Variants in PLCB1 observed in about 807,000 individuals in gnomAD.
The protein encoded by PLCB1 is phospholipase C beta 1.
Under a neutral mutation model 161.8 loss-of-function variants are expected in PLCB1, and 46 were observed. The ratio of observed to expected loss-of-function variants is 0.28; its 90% CI spans 0.22 to 0.36. The LOEUF (loss-of-function observed/expected upper bound fraction) is 0.36, where lower values mean the gene tolerates loss of function less well. Ranked by LOEUF, PLCB1 falls within the 10% of genes least tolerant of loss-of-function variation. The probability of loss-of-function intolerance (pLI) is 1.00; values close to 1 mark genes in which losing one functional copy is unlikely to be tolerated. For synonymous variants in PLCB1, 517 were observed against 503.7 expected, an observed-to-expected ratio of 1.03 and a Z score of -0.35; for missense variants, 1,016 against 1,472.5, an observed-to-expected ratio of 0.69 and a Z score of 5.07.
chr20:8,325,622 A>G (rs1274791505), intron 2 of PLCB1, among the ~76,000 whole-genome samples: 1 of 152,168 alleles, frequency 6.6e-6, no homozygotes, highest in Non-Finnish European at 1.5e-5. Context: ...CATTTCATCT[A>G]TTTTAAAGAC....
chr20:8,602,248 T>C (rs1255856203), intron 3 of PLCB1, among the ~76,000 whole-genome samples: 1 of 152,166 alleles, frequency 6.6e-6, no homozygotes, highest in Non-Finnish European at 1.5e-5. Flanking sequence ...GGTTGACTCT[T>C]GGTATTCCTA....
intron 3 of PLCB1, among the ~76,000 whole-genome samples, chr20:8,403,799 T>C (rs1452564653): frequency 6.6e-6 from 1 of 152,146 alleles, no homozygotes; most frequent in Non-Finnish European, 1.5e-5. Flanking sequence ...TAAAGCTTAA[T>C]TTTTTTCAGC....
At chr20:8,221,848 A>G (rs1600243209) in intron 2 of PLCB1, among the ~76,000 whole-genome samples, 1 of 152,168 alleles carries the variant, frequency 6.6e-6, no homozygotes, top group Admixed American at 6.6e-5. Flanking sequence ...ACATTTACCT[A>G]TACTCCTCAA....
At chr20:8,193,812 T>A (rs2123113038) in intron 2 of PLCB1, among the ~76,000 whole-genome samples, 1 of 152,154 alleles carries the variant, frequency 6.6e-6, no homozygotes, top group South Asian at 2.1e-4. Flanking sequence ...TTCCAGCTTC[T>A]CTTGCAGCTA....
chr20:8,604,963 A>G (rs1017509261), intron 3 of PLCB1, among the ~76,000 whole-genome samples: 1 of 152,090 alleles, frequency 6.6e-6, no homozygotes, highest in African/African-American at 2.4e-5. Flanking sequence ...TTTATTTTTT[A>G]AAAAACCCTA....
chr20:8,462,896 C>G (rs1215937879), intron 3 of PLCB1, among the ~76,000 whole-genome samples: 1 of 149,230 alleles, frequency 6.7e-6, no homozygotes, highest in Non-Finnish European at 1.5e-5. Context: ...AGGCCAACAA[C>G]AAGTAGGGAG....
intron 3 of PLCB1, among the ~76,000 whole-genome samples, chr20:8,481,125 A>T (rs1982483255): frequency 6.8e-6 from 1 of 148,078 alleles, no homozygotes; most frequent in Non-Finnish European, 1.5e-5. Flanking sequence ...CACCCTCCCA[A>T]AAAAGAAAAA....
intron 2 of PLCB1, among the ~76,000 whole-genome samples, chr20:8,279,580 TA>T (rs1304472573): frequency 6.6e-6 from 1 of 152,194 alleles, no homozygotes; most frequent in Non-Finnish European, 1.5e-5. Flanking sequence ...ACTGTATGCT[TA>T]AAATGGTTAA....
At chr20:8,433,393 G>GTGATGTCTACTTGTACATAGATGCT (rs370571023) in intron 3 of PLCB1, among the ~76,000 whole-genome samples, 1 of 148,650 alleles carries the variant, frequency 6.7e-6, no homozygotes, top group Non-Finnish European at 1.5e-5. Flanking sequence ...GGGAGAGTGG[G>GTGATGTCTACTTGTACATAGATGCT]CTTCTTTTGA....
At chr20:8,745,536 C>T (rs1372497602) in intron 23 of PLCB1, among the ~76,000 whole-genome samples, 1 of 151,678 alleles carries the variant, frequency 6.6e-6, no homozygotes, top group East Asian at 1.9e-4. Context: ...GTGGAATTTC[C>T]CCCATGATTT....
At position 8,264,994 on chromosome 20, in the gene PLCB1, A is replaced by G. The variant is rs146207569; in HGVS notation, c.178-106388A>G. Among the ~76,000 whole-genome samples the G allele has an allele frequency of 4.5e-3, 691 of 152,276 alleles. 6 individuals are homozygous for G. Among genetic ancestry groups the G allele is most frequent in the Non-Finnish European group, 7.4e-3 (506 of 68,024 alleles). The stretch of plus-strand genomic sequence containing the variant: ...TTAATGAGGAAACCTTGAGAGTCCT[A>G]TCCCTATTTCTAGCTCTTACCTCAA... On this transcript the variant is annotated intron_variant, in intron 2 of 31. Coordinates refer to ENST00000338037, the MANE Select transcript of PLCB1 (RefSeq NM_015192.4).
At chr20:8,783,815 G>A (rs1287679227) in intron 27 of PLCB1, among the ~76,000 whole-genome samples, 1 of 152,114 alleles carries the variant, frequency 6.6e-6, no homozygotes, top group African/African-American at 2.4e-5. Context: ...AAAATCTTGG[G>A]GAAAACCTTG....
chr20:8,350,514 C>T (rs1440074957), intron 2 of PLCB1, among the ~76,000 whole-genome samples: 1 of 152,122 alleles, frequency 6.6e-6, no homozygotes, highest in Non-Finnish European at 1.5e-5. Flanking sequence ...GGGTTGATTC[C>T]ATTTCTTTGC....
chr20:8,879,805 T>C (rs894986788), intron 31 of PLCB1, among the ~76,000 whole-genome samples: 1 of 152,152 alleles, frequency 6.6e-6, no homozygotes, highest in Non-Finnish European at 1.5e-5. Context: ...GGAAGACAGA[T>C]GTCCTGGAGA....
intron 16 of PLCB1, among the ~76,000 whole-genome samples, 197 bp downstream of exon 16, chr20:8,724,949 C>T (rs1171854307): frequency 6.6e-6 from 1 of 151,992 alleles, no homozygotes; most frequent in Non-Finnish European, 1.5e-5. Context: ...TAAAAATAAC[C>T]ATATGAGAAA....
intron 3 of PLCB1, among the ~76,000 whole-genome samples, chr20:8,503,172 A>T (rs1983496196): frequency 6.6e-6 from 1 of 152,164 alleles, no homozygotes; most frequent in Non-Finnish European, 1.5e-5. Context: ...CACCAGTAGG[A>T]GTAGAATACT....
intron 31 of PLCB1, among the ~76,000 whole-genome samples, chr20:8,805,826 T>A (rs754220618): frequency 3.3e-5 from 5 of 152,202 alleles, no homozygotes; most frequent in Admixed American, 6.5e-5. Context: ...CTTTCTTATG[T>A]TGACATGGAT....
At chr20:8,463,319 C>A (rs536733835) in intron 3 of PLCB1, among the ~76,000 whole-genome samples, 4 of 152,028 alleles carry the variant, frequency 2.6e-5, no homozygotes, top group African/African-American at 7.2e-5. Flanking sequence ...CTTCTGTGTA[C>A]CCTTCCCTTA....
chr20:8,378,177 A>G (rs1277045369), intron 3 of PLCB1, among the ~76,000 whole-genome samples: 1 of 152,232 alleles, frequency 6.6e-6, no homozygotes, highest in Admixed American at 6.5e-5. Flanking sequence ...TTTAGCCCTA[A>G]AACAGAATGA....
Sources: gnomAD v4.1 joint callset for allele counts (sites outside exome capture counted in the v4.1 genomes callset) on GRCh38, gnomAD v4.1.1 for gene constraint, MANE v1.5 for transcripts, NCBI Gene and HGNC (gene_info 2026-07-23, HGNC 2026-07-21) for gene names.